PREX1: variants seen among roughly 807,000 people sequenced by gnomAD.
PREX1 encodes the protein phosphatidylinositol-3,4,5-trisphosphate dependent Rac exchange factor 1, also known as phosphatidylinositol 3,4,5-trisphosphate-dependent Rac exchanger 1 protein.
In PREX1, 41 loss-of-function variants were observed where a neutral mutation model predicts 198.3. That is an observed-to-expected ratio of 0.21 (90% CI 0.16 to 0.27). The LOEUF is 0.27. Ranked by LOEUF, PREX1 falls within the 10% of genes least tolerant of loss-of-function variation. The pLI, the probability that PREX1 is intolerant of heterozygous loss-of-function variation, is 1.00. For missense variants in PREX1, 1,620 were observed against 2,200.7 expected (o/e 0.74, Z 5.28); for synonymous variants, 843 against 887.2 (o/e 0.95, Z 0.89).
intron 1 of PREX1, among the ~76,000 whole-genome samples, chr20:48,808,941 A>T (rs1237736661): frequency 1.3e-5 from 2 of 152,222 alleles, no homozygotes; most frequent in African/African-American, 2.4e-5. Context: ...GGAAGACAAA[A>T]TGCACACAGC....
intron 1 of PREX1, among the ~76,000 whole-genome samples, chr20:48,753,654 C>T (rs1331661870): frequency 3.3e-5 from 5 of 152,196 alleles, no homozygotes; most frequent in Admixed American, 2.6e-4. Flanking sequence ...CTGTCTAATG[C>T]GGGCTCTTCT....
chr20:48,700,927 G>T, intron 6 of PREX1, 41 bp from the exon 7 acceptor site: 1 of 1,611,334 alleles, frequency 6.2e-7, no homozygotes, highest in Non-Finnish European at 8.5e-7. Flanking sequence ...GCCAACCCAG[G>T]AACATCCCCT....
chr20:48,785,467 C>T (rs901328797), intron 1 of PREX1, among the ~76,000 whole-genome samples: 9 of 152,258 alleles, frequency 5.9e-5, no homozygotes, highest in Non-Finnish European at 2.9e-5. Context: ...AAGAAACTGG[C>T]TTTGGGTGGG....
At chr20:48,735,495 A>C (rs2090053338) in intron 3 of PREX1, among the ~76,000 whole-genome samples, 1 of 152,152 alleles carries the variant, frequency 6.6e-6, no homozygotes, top group Non-Finnish European at 1.5e-5. Context: ...AGCCCACCCC[A>C]GCTCACTCTG....
chr20:48,710,476 C>G (rs562531213), intron 5 of PREX1, among the ~76,000 whole-genome samples: 1 of 152,312 alleles, frequency 6.6e-6, no homozygotes, highest in Admixed American at 6.5e-5. Flanking sequence ...CATGTCAACT[C>G]TCTATCAGGT....
chr20:48,744,269 C>T (rs200772550), intron 3 of PREX1, among the ~76,000 whole-genome samples: 2 of 152,180 alleles, frequency 1.3e-5, no homozygotes, highest in Admixed American at 6.5e-5. Context: ...AGCTGAGAAG[C>T]TCTGCTCTAG....
At chr20:48,745,440 T>C (rs2090103375) in intron 2 of PREX1, among the ~76,000 whole-genome samples, 1 of 152,164 alleles carries the variant, frequency 6.6e-6, no homozygotes, top group African/African-American at 2.4e-5. Context: ...TATGCCCAAT[T>C]TACAGATGAA....
At chr20:48,791,041 G>A (rs968505892) in intron 1 of PREX1, among the ~76,000 whole-genome samples, 2 of 152,162 alleles carry the variant, frequency 1.3e-5, no homozygotes, top group African/African-American at 4.8e-5. Context: ...GTGAGAGGGT[G>A]AGAGTGTGCG....
chr20:48,740,004 T>TG (rs1210168625), intron 3 of PREX1, among the ~76,000 whole-genome samples: 1 of 151,854 alleles, frequency 6.6e-6, no homozygotes, highest in African/African-American at 2.4e-5. Flanking sequence ...CAGTAGTTAG[T>TG]GGTTGGGTTT....
chr20:48,641,780 A>G (rs756856344), intron 29 of PREX1, among the ~76,000 whole-genome samples: 6 of 151,296 alleles, frequency 4.0e-5, no homozygotes, highest in Non-Finnish European at 8.8e-5. Flanking sequence ...TGATAGAGTG[A>G]GACCCTTTCT....
intron 27 of PREX1, 180 bp from the exon 28 acceptor site, chr20:48,642,669 G>T (rs1276963277): frequency 1.1e-5 from 6 of 561,108 alleles, no homozygotes; most frequent in African/African-American, 7.5e-5. Context: ...CTGAGCCTCA[G>T]TTTCTTCATC....
intron 1 of PREX1, among the ~76,000 whole-genome samples, chr20:48,797,439 C>T (rs185955035): frequency 6.6e-6 from 1 of 151,880 alleles, no homozygotes; most frequent in African/African-American, 2.4e-5. Context: ...AACAATATCC[C>T]CTTTTACCAC....
In PREX1 at chr20:48,725,266, A is replaced by C. The variant is rs144993000; in HGVS notation, c.621+1024T>G. On this transcript the variant is annotated intron_variant, in intron 5 of 39. Coordinates refer to ENST00000371941, the MANE Select transcript of PREX1 (RefSeq NM_020820.4). ...AATTAATCCCCCCACAGGGAACCTA[A>C]AACACAGCTGCCTTCAGGACAGAGC... Among the ~76,000 whole-genome samples, 452 of 152,342 alleles carry C rather than the reference A, an allele frequency of 3.0e-3. 7 individuals carry two copies. The highest frequency in any genetic ancestry group is 0.025 in the Admixed American group (384 of 15,308).
intron 5 of PREX1, among the ~76,000 whole-genome samples, chr20:48,723,860 A>C (rs1351975045): frequency 6.6e-6 from 1 of 152,180 alleles, no homozygotes; most frequent in Non-Finnish European, 1.5e-5. Flanking sequence ...ACACAGGTCC[A>C]GCGACACCAT....
the PREX1 span, among the ~76,000 whole-genome samples, chr20:48,884,182 G>A: frequency 4.0e-5 from 6 of 150,866 alleles, no homozygotes; most frequent in African/African-American, 1.5e-4. Context: ...TTTTTAGTTG[G>A]CTGACCCTAA....
chr20:48,874,138 C>T, the PREX1 span, among the ~76,000 whole-genome samples: 1 of 152,136 alleles, frequency 6.6e-6, no homozygotes, highest in Non-Finnish European at 1.5e-5. Context: ...TATATGGACT[C>T]TACAATTAGG....
the PREX1 span, among the ~76,000 whole-genome samples, chr20:48,869,452 C>A: frequency 6.6e-6 from 1 of 152,048 alleles, no homozygotes; most frequent in Non-Finnish European, 1.5e-5. Flanking sequence ...GCATGAGCTA[C>A]CTTGACTGGT....
intron 1 of PREX1, among the ~76,000 whole-genome samples, chr20:48,817,379 G>T (rs570232882): frequency 6.6e-6 from 1 of 152,176 alleles, no homozygotes; most frequent in Non-Finnish European, 1.5e-5. Flanking sequence ...TGTTCAAGAT[G>T]ATATGCTGTA....
At chr20:48,768,615 G>A (rs2090219916) in intron 1 of PREX1, among the ~76,000 whole-genome samples, 1 of 152,084 alleles carries the variant, frequency 6.6e-6, no homozygotes, top group Admixed American at 6.6e-5. Context: ...CCAACACGAT[G>A]AAACCCCGTC....
Sources: allele counts gnomAD v4.1 joint callset (sites outside exome capture counted in the v4.1 genomes callset), GRCh38; gene constraint gnomAD v4.1.1; transcripts MANE v1.5; gene names NCBI Gene and HGNC (gene_info 2026-07-23, HGNC 2026-07-21).